The following PTPRO variants were observed in gnomAD, a reference collection of about 807,000 sequenced individuals.
The protein encoded by PTPRO is receptor-type tyrosine-protein phosphatase O.
A neutral mutation model predicts 145.2 loss-of-function variants in PTPRO; 62 were observed. The ratio of observed to expected loss-of-function variants is 0.43; its 90% CI spans 0.35 to 0.53. The LOEUF (loss-of-function observed/expected upper bound fraction) is 0.53, where lower values mean the gene tolerates loss of function less well. Among genes scored for constraint, PTPRO ranks in the 20% least tolerant of loss-of-function variants. The probability of loss-of-function intolerance (pLI) is 0.01; values close to 1 mark genes in which losing one functional copy is unlikely to be tolerated. For missense variants in PTPRO, 1,345 were observed against 1,482.7 expected, an observed-to-expected ratio of 0.91 and a Z score of 1.53; for synonymous variants, 565 against 514.7, an observed-to-expected ratio of 1.10 and a Z score of -1.32.
chr12:15,440,465 G>A (rs2136357833), intron 1 of PTPRO: 2 of 211,562 alleles, frequency 9.5e-6, no homozygotes, highest in South Asian at 1.7e-4. Context: ...AGGCTCATCA[G>A]TCTGCTGTGT....
At chr12:15,586,865 T>C (rs1565447657) in intron 23 of PTPRO, 32 bp from the exon 24 acceptor site, 1 of 1,613,672 alleles carries the variant, frequency 6.2e-7, no homozygotes, top group South Asian at 1.1e-5. Flanking sequence ...AACTGAAAAA[T>C]TAATGCTTGT....
chr12:15,361,620 A>G (rs1040772820), intron 1 of PTPRO, among the ~76,000 whole-genome samples: 28 of 152,170 alleles, frequency 1.8e-4, no homozygotes, highest in Non-Finnish European at 2.6e-4. Flanking sequence ...AATAAATGTT[A>G]CCAAGTGCTT....
intron 2 of PTPRO, among the ~76,000 whole-genome samples, chr12:15,486,632 T>C (rs964251094): frequency 2.6e-5 from 4 of 152,082 alleles, no homozygotes; most frequent in Non-Finnish European, 4.4e-5. Context: ...AATATCATGG[T>C]TTACTTAATC....
intron 12 of PTPRO, chr12:15,546,280 T>C (rs974480960): frequency 7.8e-6 from 9 of 1,151,288 alleles, no homozygotes; most frequent in Middle Eastern, 3.7e-4. Context: ...TCAGTATAAA[T>C]GACACAGAAA....
chr12:15,515,823 G>A (rs1231010185), intron 8 of PTPRO, among the ~76,000 whole-genome samples: 1 of 151,914 alleles, frequency 6.6e-6, no homozygotes, highest in East Asian at 1.9e-4. Context: ...AAAAATCAGA[G>A]GCAAACATTC....
intron 26 of PTPRO, 150 bp downstream of exon 26, chr12:15,595,207 T>C: frequency 1.5e-6 from 1 of 667,058 alleles, no homozygotes; most frequent in South Asian, 1.6e-5. Flanking sequence ...ACATGGGTGG[T>C]CACAGGGAGA....
intron 22 of PTPRO, 89 bp from the exon 23 acceptor site, chr12:15,581,590 A>G (rs912548936): frequency 7.5e-6 from 11 of 1,465,690 alleles, no homozygotes; most frequent in African/African-American, 1.4e-5. Flanking sequence ...AATTCTTTAG[A>G]GGCGAATACC....
At chr12:15,568,962 G>A (rs1943972688) in intron 18 of PTPRO, among the ~76,000 whole-genome samples, 1 of 152,180 alleles carries the variant, frequency 6.6e-6, no homozygotes, top group African/African-American at 2.4e-5. Flanking sequence ...CCCTGTAGCT[G>A]TAACTACTGT....
At position 15,557,417 on chromosome 12, in the gene PTPRO, C is replaced by T. The variant is rs201167429; in HGVS notation, c.2559-38C>T. 3,987 of 1,545,732 alleles carry T rather than the reference C, an allele frequency of 2.6e-3. 5 individuals carry two copies. The highest frequency in any genetic ancestry group is 3.3e-3 in the Non-Finnish European group (3,633 of 1,117,768). On this transcript the variant is annotated intron_variant, in intron 15 of 26. Transcript: ENST00000281171. ...TTAGGTCAACGTAAGAATGCTTTGT[C>T]AAGCAGTAACCTTGATTTTGTGGTT... is the stretch of plus-strand genomic sequence containing the variant.
At chr12:15,453,797 T>C (rs1941106888) in intron 1 of PTPRO, among the ~76,000 whole-genome samples, 1 of 152,176 alleles carries the variant, frequency 6.6e-6, no homozygotes, top group East Asian at 1.9e-4. Context: ...GTTTGACTGT[T>C]TTAGATACCT....
rs762954703 is a variant in PTPRO at position 15,546,557 on chromosome 12, G to T, written c.2165-12G>T. 3.2e-6 allele frequency: 5 copies of T among 1,582,978 alleles called. No individual in the cohort carries two copies. The highest frequency in any genetic ancestry group is 1.8e-5 in the Admixed American group (1 of 55,936). ...TAAATTAAATTTTTTTTAAAACTTTGTCTTTGCTCAGAACCAGCTCCACCC... is the reference window on the plus strand; with the variant it reads ...TAAATTAAATTTTTTTTAAAACTTTTTCTTTGCTCAGAACCAGCTCCACCC... On this transcript the variant is annotated splice_polypyrimidine_tract_variant and intron_variant, in intron 12 of 26. Transcript: ENST00000281171.
At chr12:15,337,690 T>C (rs552490175) in intron 1 of PTPRO, among the ~76,000 whole-genome samples, 1 of 152,266 alleles carries the variant, frequency 6.6e-6, no homozygotes, top group South Asian at 2.1e-4. Flanking sequence ...AAGTAAAAAG[T>C]TTAAAAACTG....
intron 2 of PTPRO, among the ~76,000 whole-genome samples, chr12:15,494,460 G>A (rs1339281747): frequency 1.3e-5 from 2 of 152,128 alleles, no homozygotes; most frequent in African/African-American, 4.8e-5. Context: ...GAAAGACAAT[G>A]AGAGAAGTCA....
At chr12:15,332,930 A>G (rs1866654140) in intron 1 of PTPRO, among the ~76,000 whole-genome samples, 1 of 152,186 alleles carries the variant, frequency 6.6e-6, no homozygotes, top group South Asian at 2.1e-4. Flanking sequence ...GATGGCTTAT[A>G]AAGATAAAAT....
At chr12:15,355,960 A>T (rs1226580728) in intron 1 of PTPRO, among the ~76,000 whole-genome samples, 2 of 152,214 alleles carry the variant, frequency 1.3e-5, no homozygotes, top group Non-Finnish European at 2.9e-5. Flanking sequence ...AGAATGCATA[A>T]ATATGACTGT....
intron 8 of PTPRO, among the ~76,000 whole-genome samples, chr12:15,515,855 A>C (rs1942565704): frequency 6.6e-6 from 1 of 152,102 alleles, no homozygotes; most frequent in Non-Finnish European, 1.5e-5. Context: ...TTCAATGATT[A>C]TACAACAAGA....
At chr12:15,488,429 T>C (rs1300093284) in intron 2 of PTPRO, among the ~76,000 whole-genome samples, 1 of 152,198 alleles carries the variant, frequency 6.6e-6, no homozygotes, top group Non-Finnish European at 1.5e-5. Flanking sequence ...TTGAAGTACA[T>C]GATGACTAAG....
intron 1 of PTPRO, among the ~76,000 whole-genome samples, chr12:15,429,435 A>G (rs570687248): frequency 1.3e-4 from 20 of 152,314 alleles, no homozygotes. Context: ...TCCTGAGGGC[A>G]TGATACATGT....
At chr12:15,523,916 G>A (rs1386190916) in intron 10 of PTPRO, among the ~76,000 whole-genome samples, 2 of 151,778 alleles carry the variant, frequency 1.3e-5, no homozygotes, top group Admixed American at 1.3e-4. Flanking sequence ...TCCCACCTCA[G>A]CCTCCCTAGT....
Sources: allele counts gnomAD v4.1 joint callset (sites outside exome capture counted in the v4.1 genomes callset), GRCh38; gene constraint gnomAD v4.1.1; transcripts MANE v1.5; gene names NCBI Gene and HGNC (gene_info 2026-07-23, HGNC 2026-07-21).